TENM4: variants seen among roughly 807,000 people sequenced by gnomAD.
TENM4 encodes teneurin transmembrane protein 4.
In TENM4, 82 loss-of-function variants were observed where a neutral mutation model predicts 243.3. The ratio of observed to expected loss-of-function variants is 0.34; its 90% CI spans 0.28 to 0.40. The LOEUF (loss-of-function observed/expected upper bound fraction) is 0.40, where lower values mean the gene tolerates loss of function less well. Ranked by LOEUF, TENM4 falls within the 10% of genes least tolerant of loss-of-function variation. The pLI, the probability that TENM4 is intolerant of heterozygous loss-of-function variation, is 1.00. For synonymous variants in TENM4, 1,412 were observed against 1,456.3 expected (o/e 0.97, Z 0.69); for missense variants, 3,138 against 3,673.3 (o/e 0.85, Z 3.77).
At chr11:79,141,113 C>A (rs2096388898) in intron 4 of TENM4, among the ~76,000 whole-genome samples, 1 of 152,108 alleles carries the variant, frequency 6.6e-6, no homozygotes, top group Admixed American at 6.6e-5. Flanking sequence ...CTAGAGACTT[C>A]TTCCTAGCTC....
At chr11:79,388,774 C>T (rs1280419353) in intron 1 of TENM4, among the ~76,000 whole-genome samples, 2 of 152,208 alleles carry the variant, frequency 1.3e-5, no homozygotes, top group African/African-American at 4.8e-5. Flanking sequence ...CAATTCCATG[C>T]ACAGTGTGGC....
chr11:79,256,201 C>G (rs1314622161), intron 2 of TENM4, among the ~76,000 whole-genome samples: 2 of 152,234 alleles, frequency 1.3e-5, no homozygotes, highest in Non-Finnish European at 2.9e-5. Flanking sequence ...CTCTCAGTAA[C>G]TACTCCTGCC....
chr11:78,734,932 G>A (rs1241615209), intron 20 of TENM4, among the ~76,000 whole-genome samples: 2 of 152,224 alleles, frequency 1.3e-5, no homozygotes, highest in Admixed American at 1.3e-4. Flanking sequence ...TACTTTGGCT[G>A]TTACTGCAGT....
intron 1 of TENM4, among the ~76,000 whole-genome samples, chr11:79,327,163 G>T (rs1856988049): frequency 6.6e-6 from 1 of 152,252 alleles, no homozygotes; most frequent in East Asian, 1.9e-4. Flanking sequence ...TCAGCCAGAA[G>T]GTGAAGCAAA....
At chr11:79,151,238 G>A (rs991481250) in intron 3 of TENM4, among the ~76,000 whole-genome samples, 1 of 152,180 alleles carries the variant, frequency 6.6e-6, no homozygotes, top group Admixed American at 6.5e-5. Context: ...TTCCCACAAA[G>A]CTATTAGCGA....
chr11:79,191,460 G>C (rs61882113), intron 3 of TENM4: 4 of 149,408 alleles, frequency 2.7e-5, no homozygotes, highest in African/African-American at 1.1e-4. Context: ...GTGCAGTGGC[G>C]TGATCTCGGC....
At chr11:79,033,689 T>G (rs1859305569) in intron 6 of TENM4, among the ~76,000 whole-genome samples, 1 of 152,244 alleles carries the variant, frequency 6.6e-6, no homozygotes, top group South Asian at 2.1e-4. Context: ...AGTCCATGGA[T>G]GTTCTCATAT....
At chr11:79,374,347 A>G (rs952408478) in intron 1 of TENM4, among the ~76,000 whole-genome samples, 2 of 152,132 alleles carry the variant, frequency 1.3e-5, no homozygotes, top group African/African-American at 4.8e-5. Flanking sequence ...CTCAATCTTT[A>G]TACATAAATT....
At chr11:79,032,857 A>T (rs1292797177) in intron 6 of TENM4, among the ~76,000 whole-genome samples, 1 of 152,120 alleles carries the variant, frequency 6.6e-6, no homozygotes, top group Non-Finnish European at 1.5e-5. Flanking sequence ...TTTTTTCCCC[A>T]TTCCTCAGGC....
intron 16 of TENM4, 21 bp downstream of exon 16, chr11:78,786,877 G>A (rs746973906): frequency 1.9e-5 from 30 of 1,585,902 alleles, no homozygotes; most frequent in South Asian, 4.6e-5. Context: ...GAAGGTACCC[G>A]GGGACCTCGG....
intron 6 of TENM4, among the ~76,000 whole-genome samples, chr11:79,010,927 A>G (rs964400604): frequency 1.3e-5 from 2 of 152,176 alleles, no homozygotes; most frequent in Non-Finnish European, 2.9e-5. Flanking sequence ...TCTGCCCCTT[A>G]CTAGCTGTGG....
chr11:79,184,372 A>G (rs1863345161), intron 3 of TENM4, among the ~76,000 whole-genome samples: 1 of 152,088 alleles, frequency 6.6e-6, no homozygotes, highest in African/African-American at 2.4e-5. Context: ...AGATCCCTCC[A>G]TGCTCAGTTA....
chr11:79,035,788 T>C (rs1277423680), intron 6 of TENM4, among the ~76,000 whole-genome samples: 1 of 152,184 alleles, frequency 6.6e-6, no homozygotes, highest in East Asian at 1.9e-4. Context: ...ATATTCACAT[T>C]TGAATTCCAA....
intron 18 of TENM4, among the ~76,000 whole-genome samples, chr11:78,763,126 C>G (rs1274294544): frequency 1.3e-5 from 2 of 152,212 alleles, no homozygotes; most frequent in African/African-American, 4.8e-5. Flanking sequence ...AAAAAGAAAT[C>G]AGGAAAGCAG....
intron 14 of TENM4, among the ~76,000 whole-genome samples, chr11:78,808,759 A>C (rs1591039475): frequency 6.6e-6 from 1 of 152,244 alleles, no homozygotes; most frequent in East Asian, 1.9e-4. Flanking sequence ...CTTCTCCTGC[A>C]GTCTCCTGAC....
chr11:78,794,532 G>A (rs1320463461), intron 15 of TENM4, among the ~76,000 whole-genome samples: 3 of 152,228 alleles, frequency 2.0e-5, no homozygotes, highest in African/African-American at 4.8e-5. Flanking sequence ...CTGCAGCTGG[G>A]AGGGCCCAGG....
intron 6 of TENM4, among the ~76,000 whole-genome samples, chr11:79,007,443 A>G (rs1858517095): frequency 6.6e-6 from 1 of 152,048 alleles, no homozygotes; most frequent in Non-Finnish European, 1.5e-5. Flanking sequence ...GGTGTAGAAC[A>G]CAGGCCTCTT....
chr11:79,039,958 T>C (rs1309557975), intron 6 of TENM4, among the ~76,000 whole-genome samples: 1 of 151,608 alleles, frequency 6.6e-6, no homozygotes, highest in Non-Finnish European at 1.5e-5. Context: ...TATTAGCAAA[T>C]GAAAATTCAC....
chr11:79,054,087 C>T (rs1312128061), intron 6 of TENM4, among the ~76,000 whole-genome samples: 2 of 152,262 alleles, frequency 1.3e-5, no homozygotes, highest in Non-Finnish European at 1.5e-5. Context: ...CTCATCTAGC[C>T]CCTGTATCTT....
Sources: allele counts gnomAD v4.1 joint callset (sites outside exome capture counted in the v4.1 genomes callset), GRCh38; gene constraint gnomAD v4.1.1; transcripts MANE v1.5; gene names NCBI Gene and HGNC (gene_info 2026-07-23, HGNC 2026-07-21).